The following RNF41 variants were observed in gnomAD, a reference collection of about 807,000 sequenced individuals.
RNF41 encodes ring finger protein 41, also known as E3 ubiquitin-protein ligase NRDP1.
In RNF41, 4 loss-of-function variants were observed where a neutral mutation model predicts 33.0. The ratio of observed to expected loss-of-function variants is 0.12; its 90% confidence interval spans 0.06 to 0.28. The LOEUF (loss-of-function observed/expected upper bound fraction) is 0.28, where lower values mean the gene tolerates loss of function less well. Ranked by LOEUF, RNF41 falls within the 10% of genes least tolerant of loss-of-function variation. The probability of loss-of-function intolerance (pLI) is 1.00; values close to 1 mark genes in which losing one functional copy is unlikely to be tolerated. For missense variants in RNF41, 228 were observed against 432.6 expected (o/e 0.53, Z 4.19); for synonymous variants, 164 against 153.2 (o/e 1.07, Z -0.52).
At chr12:56,207,321 G>A in intron 6 of RNF41, 1 of 1,315,840 alleles carries the variant, frequency 7.6e-7, no homozygotes, top group Non-Finnish European at 1.0e-6. Flanking sequence ...CTGAAGACAG[G>A]ACGATATCTT....
At chr12:56,218,248 C>T (rs1225578707) in intron 1 of RNF41, among the ~76,000 whole-genome samples, 1 of 152,016 alleles carries the variant, frequency 6.6e-6, no homozygotes, top group Non-Finnish European at 1.5e-5. Context: ...GCCACCGCGC[C>T]TGGCCCACAT....
intron 1 of RNF41, among the ~76,000 whole-genome samples, chr12:56,221,355 T>C (rs1869412880): frequency 6.6e-6 from 1 of 152,126 alleles, no homozygotes; most frequent in Non-Finnish European, 1.5e-5. Context: ...AGCCAAGCTA[T>C]GGCGCTTCGA....
chr12:56,207,536 AC>A, intron 6 of RNF41, 109 bp downstream of exon 6: 1 of 875,978 alleles, frequency 1.1e-6, no homozygotes. Context: ...AGAAGCAGTG[AC>A]CCCCAGCCCA....
intron 5 of RNF41, 35 bp downstream of exon 5, chr12:56,208,128 G>A: frequency 6.2e-7 from 1 of 1,613,670 alleles, no homozygotes; most frequent in Non-Finnish European, 8.5e-7. Context: ...ATCTGCATAT[G>A]AGGGATATGT....
chr12:56,210,530 G>A lies in RNF41; in HGVS notation c.129C>T (p.Ile43=), dbSNP rs774559826. The part of the protein sequence containing the change: ...HCEHAFCNAC[I]TQWFSQQQTC... The stretch of plus-strand genomic sequence containing the variant: ...TCTGTTGCTGAGAGAACCACTGGGT[G>A]ATGCAGGCGTTGCAGAAAGCATGTT... The change falls in exon 4 of 7, where the codon ATC becomes ATT. Residue 43 remains isoleucine (I), a synonymous_variant. Transcript: ENST00000345093. The A allele has an allele frequency of 5.0e-6, 8 of 1,613,870 alleles. No homozygotes were observed. Among genetic ancestry groups the A allele is most frequent in the Non-Finnish European group, 6.8e-6 (8 of 1,180,044 alleles).
chr12:56,216,562 T>C lies in RNF41; in HGVS notation c.-157A>G, dbSNP rs2135813342. 6.6e-6 allele frequency: 1 copy of C among 152,316 alleles called. No individual in the cohort carries two copies. Among genetic ancestry groups the C allele is most frequent in the Admixed American group, 6.5e-5 (1 of 15,298 alleles). The allele number at this position is 152,316 out of a possible 1,614,324, so 9.4% of individuals were successfully genotyped here. A position where few individuals can be genotyped will look rare whatever the true frequency, so the allele number is the denominator to read the frequency against. Reference sequence around the variant, plus strand: ...TCTCCGACTGAGTATTCCTTCCCAGTGACAAGCTCCATCGCCCAGGGGATG... The same window carrying C: ...TCTCCGACTGAGTATTCCTTCCCAGCGACAAGCTCCATCGCCCAGGGGATG... On this transcript the variant is annotated 5_prime_UTR_variant, in exon 2 of 7. Coordinates refer to ENST00000345093, the MANE Select transcript of RNF41 (RefSeq NM_005785.4).
intron 2 of RNF41, among the ~76,000 whole-genome samples, chr12:56,216,199 A>G (rs1362530303): frequency 6.6e-6 from 1 of 152,216 alleles, no homozygotes; most frequent in East Asian, 1.9e-4. Flanking sequence ...TACATAGGAA[A>G]AAAAACACAT....
At chr12:56,219,665 G>GCACA (rs1565947284) in intron 1 of RNF41, among the ~76,000 whole-genome samples, 6 of 7,914 alleles carry the variant, frequency 7.6e-4, no homozygotes, top group Admixed American at 5.3e-3. Flanking sequence ...GTATATATGT[G>GCACA]TATATACACG....
intron 5 of RNF41, 134 bp from the exon 6 acceptor site, chr12:56,207,883 A>G: frequency 2.5e-6 from 2 of 791,842 alleles, no homozygotes. Context: ...GACAGGGATA[A>G]GACTGTCTCA....
intron 3 of RNF41, among the ~76,000 whole-genome samples, chr12:56,211,159 TG>T (rs1165079423): frequency 6.6e-6 from 1 of 151,438 alleles, no homozygotes; most frequent in Non-Finnish European, 1.5e-5. Context: ...CACTCTAGCC[TG>T]GGCAATACAT....
At position 56,214,021 on chromosome 12, in the gene RNF41, C is replaced by T. The variant is rs369945968; in HGVS notation, c.27G>A (p.Gln9=). 5 of 1,613,898 alleles carry T rather than the reference C, an allele frequency of 3.1e-6. No homozygotes were observed. The highest frequency in any genetic ancestry group is 4.2e-6 in the Non-Finnish European group (5 of 1,179,892). Residue 9 remains glutamine, a synonymous_variant, in exon 3 of 7, where the codon CAG becomes CAA. Coordinates refer to ENST00000345093, the MANE Select transcript of RNF41 (RefSeq NM_005785.4). Reference sequence around the variant, plus strand: ...AGATAAGATCTTCGTCAACATCCCCCTGGAAACGGGTTACATCATACCCCA... The same window carrying T: ...AGATAAGATCTTCGTCAACATCCCCTTGGAAACGGGTTACATCATACCCCA... The part of the protein sequence containing the change: MGYDVTRF[Q]GDVDEDLICP...
Position 56,213,168 on chromosome 12 carries a change from G to A in RNF41, c.90+790C>T, listed in dbSNP as rs909819914. The A allele has an allele frequency of 6.1e-5, 78 of 1,277,824 alleles. No homozygotes were observed. The African/African-American group carries it at 9.0e-4, about 15-fold the overall frequency. 79.2% of individuals were successfully genotyped at this position (1,277,824 alleles called of 1,614,324 possible). ...TCAGTAGATCCCAGGAAAAAAATAG[G>A]TCAGTACATACAGTTCCCCACTTCC... On this transcript the variant is annotated intron_variant, in intron 3 of 6. Transcript: ENST00000345093.
chr12:56,218,082 T>G (rs1347164853), intron 1 of RNF41, among the ~76,000 whole-genome samples: 1 of 151,654 alleles, frequency 6.6e-6, no homozygotes, highest in African/African-American at 2.4e-5. Context: ...GCCTCCAGAG[T>G]AGCTAGGATT....
chr12:56,204,106 T>G lies in RNF41; in HGVS notation c.*2341A>C, dbSNP rs1424289186. The G allele has an allele frequency of 3.3e-5, 5 of 152,224 alleles. No homozygotes were observed. Among genetic ancestry groups the G allele is most frequent in the Non-Finnish European group, 7.3e-5 (5 of 68,046 alleles). The allele number at this position is 152,224 out of a possible 1,614,324, so 9.4% of individuals were successfully genotyped here. Reference sequence around the variant, plus strand: ...CTAGGAAACACTGGGAGGTAGAGACTTCTCTGCCTGCAAAGGAATTCTAGA... The same window carrying G: ...CTAGGAAACACTGGGAGGTAGAGACGTCTCTGCCTGCAAAGGAATTCTAGA... On this transcript the variant is annotated 3_prime_UTR_variant, in exon 7 of 7. Transcript: ENST00000345093.
intron 3 of RNF41, among the ~76,000 whole-genome samples, chr12:56,212,694 T>C (rs946894256): frequency 2.6e-5 from 4 of 152,182 alleles, no homozygotes; most frequent in South Asian, 2.1e-4. Context: ...CCAGAGTTGG[T>C]TGCCATTGGA....
chr12:56,216,888 C>A (rs1592358393), intron 1 of RNF41, among the ~76,000 whole-genome samples: 1 of 152,296 alleles, frequency 6.6e-6, no homozygotes, highest in South Asian at 2.1e-4. Flanking sequence ...CGCCTGTAAT[C>A]CCAGCTCTTA....
chr12:56,203,865 C>T lies in RNF41; in HGVS notation c.*2582G>A, dbSNP rs1310020176. ...GGACTACAGGTGCCTGCCACCACGC[C>T]CGGCTAATTTTTTGTATTTTTAGTA... On this transcript the variant is annotated 3_prime_UTR_variant, in exon 7 of 7. Transcript: ENST00000345093. 6 of 150,338 alleles carry T rather than the reference C, an allele frequency of 4.0e-5. No homozygotes were observed. The highest frequency in any genetic ancestry group is 1.5e-4 in the African/African-American group (6 of 40,732). 9.3% of individuals were successfully genotyped at this position (150,338 alleles called of 1,614,324 possible).
At chr12:56,207,042 T>G in intron 6 of RNF41, 1 of 1,270,068 alleles carries the variant, frequency 7.9e-7, no homozygotes, top group Non-Finnish European at 1.0e-6. Flanking sequence ...TCTTTGAAAT[T>G]CCAATACTTA....
chr12:56,217,268 A>G (rs1441561360), intron 1 of RNF41, among the ~76,000 whole-genome samples: 2 of 151,318 alleles, frequency 1.3e-5, no homozygotes, highest in Non-Finnish European at 3.0e-5. Flanking sequence ...GCATAGATCC[A>G]GGTTGCGATG....
Sources: allele counts gnomAD v4.1 joint callset (sites outside exome capture counted in the v4.1 genomes callset), GRCh38; gene constraint gnomAD v4.1.1; transcripts MANE v1.5; gene names NCBI Gene and HGNC (gene_info 2026-07-23, HGNC 2026-07-21).